The following TFR2 variants were observed in gnomAD, a reference collection of about 807,000 sequenced individuals.
TFR2 encodes transferrin receptor protein 2.
In TFR2, 64 loss-of-function variants were observed where a neutral mutation model predicts 91.9. The ratio of observed to expected loss-of-function variants is 0.70; its 90% CI spans 0.57 to 0.86. The LOEUF (loss-of-function observed/expected upper bound fraction) is 0.86, where lower values mean the gene tolerates loss of function less well. Ranked by LOEUF, TFR2 falls within the 40% of genes least tolerant of loss-of-function variation. The pLI, the probability that TFR2 is intolerant of heterozygous loss-of-function variation, is 0.00. For synonymous variants in TFR2, 454 were observed against 459.6 expected, an observed-to-expected ratio of 0.99 and a Z score of 0.15; for missense variants, 950 against 1,080.5, an observed-to-expected ratio of 0.88 and a Z score of 1.69.
At chr7:100,629,639 C>G (rs932238976) in intron 9 of TFR2, among the ~76,000 whole-genome samples, 2 of 152,172 alleles carry the variant, frequency 1.3e-5, no homozygotes, top group Non-Finnish European at 2.9e-5. Context: ...CTCACTGCAG[C>G]TTCAAACTCC....
At position 100,620,927 on chromosome 7, in the gene TFR2, A is replaced by T; in HGVS notation, c.2336T>A (p.Leu779His). ...GGCTGCCCCTTGCAGCGTCCAGGTG[A>T]GCAGGGCTAGCTGACGCCGGAAACG... is the stretch of plus-strand genomic sequence containing the variant. ...ESRFRRQLAL[L>H]TWTLQGAANA... Residue 779 changes from leucine to histidine, a missense_variant, in exon 18 of 18, where the codon CTC becomes CAC. Leu to His is a moderately conservative substitution (Grantham distance 99). Transcript: ENST00000223051. The T allele has an allele frequency of 6.2e-7, 1 of 1,614,162 alleles. No individual in the cohort carries two copies. Among genetic ancestry groups the T allele is most frequent in the Non-Finnish European group, 8.5e-7 (1 of 1,179,994 alleles).
chr7:100,633,301 C>G lies in TFR2; in HGVS notation c.654G>C (p.Gly218=). 6.2e-7 allele frequency: 1 copy of G among 1,613,728 alleles called. No homozygotes were observed. The highest frequency in any genetic ancestry group is 1.7e-4 in the Middle Eastern group (1 of 6,044). ...CCAGCGGCAGCTGCTCTCCGACCTTCCCGGCCTCATCGACCCAGTGCAGGG... is the reference window on the plus strand; with the variant it reads ...CCAGCGGCAGCTGCTCTCCGACCTTGCCGGCCTCATCGACCCAGTGCAGGG... ...PNTLHWVDEA[G]KVGEQLPLED... is the part of the protein sequence containing the mutation. Residue 218 remains glycine, a synonymous_variant, in exon 5 of 18, where the codon GGG becomes GGC. Coordinates refer to ENST00000223051, the MANE Select transcript of TFR2 (RefSeq NM_003227.4).
chr7:100,621,242 G>C (rs1449302051), intron 17 of TFR2, 116 bp from the exon 18 acceptor site: 3 of 1,312,076 alleles, frequency 2.3e-6, no homozygotes, highest in Middle Eastern at 2.8e-4. Context: ...TTTTCTTTTT[G>C]TGTTTGTTTT....
intron 17 of TFR2, among the ~76,000 whole-genome samples, chr7:100,622,316 G>C (rs1447707838): frequency 6.6e-6 from 1 of 152,190 alleles, no homozygotes; most frequent in Non-Finnish European, 1.5e-5. Context: ...GTGACCCACT[G>C]GAATCCTGCC....
At chr7:100,623,403 G>A (rs186214840) in intron 17 of TFR2, among the ~76,000 whole-genome samples, 3 of 152,130 alleles carry the variant, frequency 2.0e-5, no homozygotes, top group African/African-American at 2.4e-5. Flanking sequence ...ACCTGACATC[G>A]GTCCAGTCCC....
At chr7:100,626,036 C>G (rs1348299187) in intron 17 of TFR2, among the ~76,000 whole-genome samples, 1 of 152,112 alleles carries the variant, frequency 6.6e-6, no homozygotes, top group Non-Finnish European at 1.5e-5. Flanking sequence ...ACTGCAGTTC[C>G]CAGCTCACCC....
At chr7:100,638,874 C>T (rs987127986) in intron 3 of TFR2, among the ~76,000 whole-genome samples, 2 of 151,642 alleles carry the variant, frequency 1.3e-5, no homozygotes, top group African/African-American at 2.4e-5. Flanking sequence ...GAGCTATCAT[C>T]TCGGCACTGT....
chr7:100,625,402 G>T (rs1410700198), intron 17 of TFR2, among the ~76,000 whole-genome samples: 3 of 143,576 alleles, frequency 2.1e-5, no homozygotes, highest in African/African-American at 8.0e-5. Flanking sequence ...TCCCTGGTGG[G>T]GACAGGGGTA....
At chr7:100,639,973 A>G (rs1803661005) in intron 3 of TFR2, 1 of 151,966 alleles carries the variant, frequency 6.6e-6, no homozygotes. Flanking sequence ...TTTAGTACAG[A>G]CGGGGTTTCA....
chr7:100,634,985 C>T (rs754466465), intron 3 of TFR2, among the ~76,000 whole-genome samples: 3 of 151,708 alleles, frequency 2.0e-5, no homozygotes, highest in Non-Finnish European at 4.4e-5. Flanking sequence ...GTCGCCCAGG[C>T]TGGTGTGTAG....
Position 100,632,196 on chromosome 7 carries a change from C to T in TFR2, c.852G>A (p.Val284=), listed in dbSNP as rs1330595479. 6.2e-7 allele frequency: 1 copy of T among 1,613,884 alleles called. No homozygotes were observed. The highest frequency in any genetic ancestry group is 8.5e-7 in the Non-Finnish European group (1 of 1,179,934). ...GAGCCCCGAAGTCCTGAGCATTGGT[C>T]ACCTGGGGAGGAAGGTGACTAGAGG... ...RVGVISFAQK[V]TNAQDFGAQG... The change falls in exon 7 of 18, where the codon GTG becomes GTA. Residue 284 remains valine, a splice_region_variant and synonymous_variant. Transcript: ENST00000223051.
Position 100,627,435 on chromosome 7 carries a change from A to T in TFR2, c.1824T>A (p.His608Gln), listed in dbSNP as rs1221947102. The T allele has an allele frequency of 6.3e-7, 1 of 1,590,290 alleles. No homozygotes were observed. The highest frequency in any genetic ancestry group is 8.6e-7 in the Non-Finnish European group (1 of 1,168,650). Residue 608 changes from histidine (H) to glutamine (Q), a missense_variant, in exon 16 of 18, where the codon CAT (histidine) becomes CAA (glutamine). His to Gln is a conservative substitution (Grantham distance 24). Transcript: ENST00000223051. ...CGGGCAGGCGGCCTTGCAGCACCTT[A>T]TGCAGGTTCTCATAAGTGTCCTCCT... ...HTKEDTYENL[H>Q]KVLQGRLPAV...
rs553522953 is a variant in TFR2, at chr7:100,628,445, G to C, written c.1391-139C>G. 4 of 851,708 alleles carry C rather than the reference G, an allele frequency of 4.7e-6. No individual in the cohort carries two copies. The African/African-American group carries it at 6.7e-5, about 14-fold the overall frequency. The allele number at this position is 851,708 out of a possible 1,614,324, so 52.8% of individuals were successfully genotyped here. A position where few individuals can be genotyped will look rare whatever the true frequency, so the allele number is the denominator to read the frequency against. ...GACAGGATCTCACTCTCTCGCCCAG[G>C]CTGGAGTGCAGTGGTGCAATCATGG... On this transcript the variant is annotated intron_variant, in intron 10 of 17. Transcript: ENST00000223051.
At chr7:100,640,642 G>C (rs763317838) in intron 3 of TFR2, 44 bp downstream of exon 3, 4 of 1,599,936 alleles carry the variant, frequency 2.5e-6, no homozygotes, top group African/African-American at 2.7e-5. Flanking sequence ...GAGCGGATGA[G>C]GGGAGGGACA....
At chr7:100,627,014 G>GA in intron 16 of TFR2, 111 bp from the exon 17 acceptor site, 1 of 936,030 alleles carries the variant, frequency 1.1e-6, no homozygotes, top group Non-Finnish European at 1.4e-6. Flanking sequence ...ACCCCTGGCC[G>GA]CAGGAGGGAG....
At chr7:100,634,368 G>A (rs1803535105) in intron 3 of TFR2, among the ~76,000 whole-genome samples, 1 of 152,114 alleles carries the variant, frequency 6.6e-6, no homozygotes, top group Admixed American at 6.6e-5. Flanking sequence ...CCATCCTCCC[G>A]CCTCAGCCTC....
At position 100,632,091 on chromosome 7, in the gene TFR2, C is replaced by T. The variant is rs1803454342; in HGVS notation, c.957G>A (p.Val319=). The change falls in exon 7 of 18, where the codon GTG becomes GTA. Residue 319 remains valine, a synonymous_variant. Coordinates refer to ENST00000223051, the MANE Select transcript of TFR2 (RefSeq NM_003227.4). ...PKPSLSSQQA[V]YGHVHLGTGD... is the part of the protein sequence containing the mutation. The stretch of plus-strand genomic sequence containing the variant: ...GCCTCCCCAGACTCACATGTCCATA[C>T]ACTGCCTGCTGGCTGGACAGGCTTG... 1 of 1,614,192 alleles carries T rather than the reference C, an allele frequency of 6.2e-7. No homozygotes were observed. The highest frequency in any genetic ancestry group is 8.5e-7 in the Non-Finnish European group (1 of 1,180,038).
chr7:100,621,349 G>A (rs1321957680), intron 17 of TFR2, among the ~76,000 whole-genome samples: 2 of 152,178 alleles, frequency 1.3e-5, no homozygotes, highest in Non-Finnish European at 2.9e-5. Context: ...CGCCTTCAGC[G>A]TTCAAGCGAT....
At position 100,628,124 on chromosome 7, in the gene TFR2, C is replaced by T. The variant is rs777532178; in HGVS notation, c.1486G>A (p.Val496Met). The T allele has an allele frequency of 1.1e-4, 177 of 1,613,996 alleles. No homozygotes were observed. Among genetic ancestry groups the T allele is most frequent in the Non-Finnish European group, 1.4e-4 (171 of 1,180,022 alleles). Residue 496 changes from valine (V) to methionine (M), a missense_variant, in exon 12 of 18, where the codon GTG becomes ATG. Coordinates refer to ENST00000223051, the MANE Select transcript of TFR2 (RefSeq NM_003227.4). ...TACACTACGGCTTTGAGGTGCAGCA[C>T]GCTGAGGTAGCCCTGTGGGTGGGTG... ...STEWLEGYLS[V>M]LHLKAVVYVS... is the part of the protein sequence containing the mutation.
Sources: gnomAD v4.1 joint callset for allele counts (sites outside exome capture counted in the v4.1 genomes callset) on GRCh38, gnomAD v4.1.1 for gene constraint, MANE v1.5 for transcripts, NCBI Gene and HGNC (gene_info 2026-07-23, HGNC 2026-07-21) for gene names.